The following UGT8 variants were observed in gnomAD, a reference collection of about 807,000 sequenced individuals.
The protein encoded by UGT8 is 2-hydroxyacylsphingosine 1-beta-galactosyltransferase.
In UGT8, 12 loss-of-function variants were observed where a neutral mutation model predicts 40.5. The ratio of observed to expected loss-of-function variants is 0.30; its 90% CI spans 0.19 to 0.48. UGT8 has a LOEUF of 0.48. Among genes scored for constraint, UGT8 ranks in the 20% least tolerant of loss-of-function variants. The pLI is 0.99. For synonymous variants in UGT8, 224 were observed against 240.4 expected (o/e 0.93, Z 0.63); for missense variants, 513 against 648.7 (o/e 0.79, Z 2.27).
chr4:114,674,547 A>C (rs1336380951), intron 5 of UGT8, among the ~76,000 whole-genome samples: 1 of 152,172 alleles, frequency 6.6e-6, no homozygotes, highest in Non-Finnish European at 1.5e-5. Flanking sequence ...TCCCTGATAT[A>C]ATGGCTCTTT....
chr4:114,668,328 G>C (rs1735022574), intron 5 of UGT8, 24 bp downstream of exon 5: 1 of 1,598,512 alleles, frequency 6.3e-7, no homozygotes, highest in Non-Finnish European at 8.6e-7. Flanking sequence ...TAACATTAAA[G>C]CTGATGAACT....
chr4:114,638,720 G>A (rs1733034157), intron 2 of UGT8, among the ~76,000 whole-genome samples: 2 of 152,144 alleles, frequency 1.3e-5, no homozygotes, highest in South Asian at 2.1e-4. Context: ...TACTTTATTG[G>A]AAAGTTTAAT....
intron 1 of UGT8, among the ~76,000 whole-genome samples, chr4:114,611,379 T>C (rs1006265368): frequency 1.4e-5 from 2 of 143,580 alleles, no homozygotes; most frequent in South Asian, 4.3e-4. Context: ...TCTTTTTCTG[T>C]AGGATAACAT....
At chr4:114,675,596 C>A (rs1442401216) in intron 5 of UGT8, among the ~76,000 whole-genome samples, 1 of 150,304 alleles carries the variant, frequency 6.7e-6, no homozygotes, top group South Asian at 2.1e-4. Flanking sequence ...AAAAATTAGC[C>A]GGGCGTAGTG....
At chr4:114,650,854 T>G (rs1733855331) in intron 2 of UGT8, among the ~76,000 whole-genome samples, 1 of 152,122 alleles carries the variant, frequency 6.6e-6, no homozygotes, top group Admixed American at 6.6e-5. Context: ...CATACAAAGG[T>G]TTTGATTCTG....
intron 2 of UGT8, chr4:114,663,663 C>T (rs888895783): frequency 1.0e-6 from 1 of 983,718 alleles, no homozygotes; most frequent in Non-Finnish European, 1.2e-6. Flanking sequence ...TTGTTTGTGT[C>T]TGCATACAAA....
At chr4:114,599,080 C>G (rs1730272513) in intron 1 of UGT8, 106 bp downstream of exon 1, 2 of 58,874 alleles carry the variant, frequency 3.4e-5, no homozygotes. Flanking sequence ...CGAATGGCTG[C>G]TGTCCAGGGG....
rs369935663 is a variant in UGT8, at chr4:114,668,093, A to G, written c.1051A>G (p.Lys351Glu). Residue 351 changes from lysine to glutamate, a missense_variant, in exon 5 of 6, where the codon AAG becomes GAG. By Grantham distance (56) the Lys-to-Glu change is moderately conservative. Coordinates refer to ENST00000310836, the MANE Select transcript of UGT8 (RefSeq NM_001128174.3). The part of the protein sequence containing the change: ...LPQNDLLGHS[K>E]IKAFLSHGGL... ...TTTTCATCTTTCTTCAGGGCATTCA[A>G]AGATTAAAGCCTTCCTGAGCCATGG... 2.5e-6 allele frequency: 4 copies of G among 1,613,374 alleles called. No individual in the cohort carries two copies. Among genetic ancestry groups the G allele is most frequent in the Non-Finnish European group, 8.5e-7 (1 of 1,179,522 alleles).
At chr4:114,613,638 A>G (rs1731219019) in intron 1 of UGT8, among the ~76,000 whole-genome samples, 1 of 152,198 alleles carries the variant, frequency 6.6e-6, no homozygotes, top group Admixed American at 6.5e-5. Flanking sequence ...AGTTGGATCC[A>G]CATTACCTTC....
intron 1 of UGT8, among the ~76,000 whole-genome samples, chr4:114,608,543 G>A (rs1399052793): frequency 1.3e-5 from 2 of 151,744 alleles, no homozygotes; most frequent in African/African-American, 4.8e-5. Context: ...TTAACAAGGT[G>A]TTCTATATAG....
rs1225187296 is a variant in UGT8, at chr4:114,623,212, C to T, written c.332C>T (p.Thr111Ile). ...CTGTTTGACATACTGGATCACTATA[C>T]TAAGAACTGTGACCTGATGGTTGGC... The part of the protein sequence containing the change: ...IELFDILDHY[T>I]KNCDLMVGNH... The change falls in exon 2 of 6, where the codon ACT becomes ATT. Residue 111 changes from threonine to isoleucine, a missense_variant. Around this residue, in one of 3 missense-constraint regions of UGT8, gnomAD observed 335 missense variants for 444.8 expected, o/e 0.75. Coordinates refer to ENST00000310836, the MANE Select transcript of UGT8 (RefSeq NM_001128174.3). 3.5e-5 allele frequency: 57 copies of T among 1,614,030 alleles called. No homozygotes were observed. Among genetic ancestry groups the T allele is most frequent in the Non-Finnish European group, 4.6e-5 (54 of 1,180,020 alleles).
chr4:114,676,443 T>C lies in UGT8; in HGVS notation c.*155T>C. 1 of 646,548 alleles carries C rather than the reference T, an allele frequency of 1.5e-6. No individual in the cohort carries two copies. Among genetic ancestry groups the C allele is most frequent in the Non-Finnish European group, 2.5e-6 (1 of 400,266 alleles). The allele number at this position is 646,548 out of a possible 1,614,324, so 40.1% of individuals were successfully genotyped here. On this transcript the variant is annotated 3_prime_UTR_variant, in exon 6 of 6. Coordinates refer to ENST00000310836, the MANE Select transcript of UGT8 (RefSeq NM_001128174.3). ...TGAAATTCTGTGGAATTAAGATGGC[T>C]GTAAAAAGCACAAACCTAAAATGCA...
chr4:114,669,682 G>T (rs1477977421), intron 5 of UGT8, among the ~76,000 whole-genome samples: 1 of 152,168 alleles, frequency 6.6e-6, no homozygotes, highest in Non-Finnish European at 1.5e-5. Context: ...TTAAATTCCA[G>T]CTATAGAATA....
intron 1 of UGT8, among the ~76,000 whole-genome samples, chr4:114,608,990 T>G (rs1730890099): frequency 6.6e-6 from 1 of 152,218 alleles, no homozygotes; most frequent in African/African-American, 2.4e-5. Flanking sequence ...TCTTTGTGCC[T>G]ATTTCCTCCT....
chr4:114,647,790 C>G (rs1207924241), intron 2 of UGT8, among the ~76,000 whole-genome samples: 2 of 152,120 alleles, frequency 1.3e-5, no homozygotes, highest in African/African-American at 4.8e-5. Context: ...GATTACACAG[C>G]CAGTGAGGGG....
intron 2 of UGT8, among the ~76,000 whole-genome samples, chr4:114,637,559 C>T (rs1732961661): frequency 1.3e-5 from 2 of 152,038 alleles, no homozygotes; most frequent in Admixed American, 1.3e-4. Context: ...CAGTAATAAA[C>T]AGACTTTTTC....
At chr4:114,608,473 T>A (rs1730860350) in intron 1 of UGT8, among the ~76,000 whole-genome samples, 1 of 152,176 alleles carries the variant, frequency 6.6e-6, no homozygotes, top group Admixed American at 6.5e-5. Flanking sequence ...ATTTTGATTT[T>A]TTCCTGTTGT....
chr4:114,669,255 C>T (rs1735082833), intron 5 of UGT8, among the ~76,000 whole-genome samples: 1 of 152,110 alleles, frequency 6.6e-6, no homozygotes, highest in South Asian at 2.1e-4. Context: ...GATCCAGTGT[C>T]GGATACAGCT....
intron 2 of UGT8, among the ~76,000 whole-genome samples, chr4:114,651,430 C>T (rs1213022933): frequency 6.6e-6 from 1 of 152,008 alleles, no homozygotes; most frequent in African/African-American, 2.4e-5. Context: ...GTAGAAGTCT[C>T]ACATGTCATT....
Sources: gnomAD v4.1 joint callset for allele counts (sites outside exome capture counted in the v4.1 genomes callset) on GRCh38, gnomAD v4.1.1 for gene constraint, gnomAD v4.1.1 regional missense constraint, MANE v1.5 for transcripts, NCBI Gene and HGNC (gene_info 2026-07-23, HGNC 2026-07-21) for gene names.